The following CEP126 variants were observed in gnomAD, a reference collection of about 807,000 sequenced individuals.
CEP126 encodes centrosomal protein of 126 kDa.
Under a neutral mutation model 107.8 loss-of-function variants are expected in CEP126, and 74 were observed. That is an observed-to-expected ratio of 0.69 (90% CI 0.57 to 0.83). The LOEUF (loss-of-function observed/expected upper bound fraction) is 0.83, where lower values mean the gene tolerates loss of function less well. Ranked by LOEUF, CEP126 falls within the 40% of genes least tolerant of loss-of-function variation. The pLI is 0.00. For missense variants in CEP126, 1,237 were observed against 1,281.9 expected (o/e 0.96, Z 0.53); for synonymous variants, 449 against 446.0 (o/e 1.01, Z -0.08).
intron 2 of CEP126, among the ~76,000 whole-genome samples, chr11:101,933,563 A>C (rs898279366): frequency 6.6e-6 from 1 of 152,192 alleles, no homozygotes; most frequent in Non-Finnish European, 1.5e-5. Flanking sequence ...TAATACATAA[A>C]AAATACTTAG....
At chr11:101,917,661 C>A (rs1402610221) in intron 1 of CEP126, among the ~76,000 whole-genome samples, 1 of 150,100 alleles carries the variant, frequency 6.7e-6, no homozygotes. Flanking sequence ...TTTTTTTCCT[C>A]ATAAATATCT....
intron 10 of CEP126, 61 bp from the exon 11 acceptor site, chr11:101,997,538 G>C: frequency 2.5e-6 from 4 of 1,612,680 alleles, no homozygotes; most frequent in Admixed American, 1.7e-5. Flanking sequence ...TGTCAGCCTA[G>C]TTTGTAGCTG....
In CEP126 at chr11:101,962,878, T is replaced by C. The variant is rs113259549; in HGVS notation, c.1843T>C (p.Leu615=). The change falls in exon 6 of 11, where the codon TTA becomes CTA. Residue 615 remains leucine (L), a synonymous_variant. Transcript: ENST00000263468. ...KAAAIRDSIE[L]TKEKGAEIPK... is the part of the protein sequence containing the mutation. ...AGCAGCTATCAGAGATAGTATTGAA[T>C]TAACAAAGGAAAAAGGTGCAGAAAT... 1 of 1,609,652 alleles carries C rather than the reference T, an allele frequency of 6.2e-7. No individual in the cohort carries two copies.
intron 2 of CEP126, among the ~76,000 whole-genome samples, chr11:101,941,118 T>G (rs1784231529): frequency 1.3e-5 from 2 of 152,190 alleles, no homozygotes; most frequent in Non-Finnish European, 2.9e-5. Flanking sequence ...CTGTGCCTCC[T>G]TCCTCCCAAC....
chr11:101,968,585 C>G (rs1311524773), intron 6 of CEP126, among the ~76,000 whole-genome samples: 4 of 152,022 alleles, frequency 2.6e-5, no homozygotes, highest in African/African-American at 7.2e-5. Context: ...AGTTATAAAG[C>G]CTGAATGAAA....
intron 2 of CEP126, among the ~76,000 whole-genome samples, chr11:101,927,171 G>A (rs539204049): frequency 6.6e-5 from 10 of 152,208 alleles, no homozygotes; most frequent in African/African-American, 2.2e-4. Context: ...GCATTGTGGC[G>A]CATGCCTGTA....
chr11:101,931,840 C>CAA (rs1381877630), intron 2 of CEP126, among the ~76,000 whole-genome samples: 1 of 152,166 alleles, frequency 6.6e-6, no homozygotes, highest in African/African-American at 2.4e-5. Flanking sequence ...GCTCACTTCT[C>CAA]AAGAGCATTT....
rs1941358192 is a variant in CEP126, at chr11:101,989,925, A to G, written c.3245-2853A>G. On this transcript the variant is annotated intron_variant, in intron 9 of 10. Coordinates refer to ENST00000263468, the MANE Select transcript of CEP126 (RefSeq NM_020802.4). ...CAGTGAGCCGAGATCGCGCCACTGC[A>G]CTCCAGCCTGGGCGACAGAGTGAGA... is the stretch of plus-strand genomic sequence containing the variant. Among the ~76,000 whole-genome samples, 3 of 152,116 alleles carry G rather than the reference A, an allele frequency of 2.0e-5. No individual in the cohort carries two copies. The South Asian group carries it at 6.2e-4, about 32-fold the overall frequency.
intron 6 of CEP126, among the ~76,000 whole-genome samples, chr11:101,964,637 T>TAA (rs200494884): frequency 6.2e-5 from 8 of 128,978 alleles, no homozygotes; most frequent in Middle Eastern, 8.3e-3. Context: ...AGACTCTATC[T>TAA]AAAAAAAAAA....
At position 101,963,831 on chromosome 11, in the gene CEP126, CT is replaced by C. The variant is rs1303615930; in HGVS notation, c.2798del (p.Leu933TyrfsTer21). The C allele has an allele frequency of 6.2e-7, 1 of 1,613,880 alleles. No homozygotes were observed. Among genetic ancestry groups the C allele is most frequent in the East Asian group, 2.2e-5 (1 of 44,890 alleles). ...GAACTGCTGAAGAAGAATCAGTTCC[CT>C]TATGGAAAAGAGGTCCTAATGTCCT... ...LRTAEEESVP[L>X]WKRGPNVLHQ... On this transcript the variant is annotated frameshift_variant, in exon 6 of 11. Coordinates refer to ENST00000263468, the MANE Select transcript of CEP126 (RefSeq NM_020802.4). LOFTEE classifies it high-confidence loss of function.
chr11:101,921,748 C>T (rs1293963999), intron 1 of CEP126, among the ~76,000 whole-genome samples: 14 of 574 alleles, frequency 0.024, no homozygotes, highest in Admixed American at 0.079. Flanking sequence ...TGAAGATATA[C>T]AGTCCTCTTT....
intron 8 of CEP126, among the ~76,000 whole-genome samples, chr11:101,982,291 T>A (rs1266728264): frequency 1.3e-5 from 2 of 152,214 alleles, no homozygotes. Context: ...AAATGAATAC[T>A]GGATCAAAAG....
chr11:101,990,540 A>G (rs1941366915), intron 9 of CEP126, among the ~76,000 whole-genome samples: 1 of 152,144 alleles, frequency 6.6e-6, no homozygotes. Context: ...TCTCTTGTAC[A>G]AAACCTGCCA....
chr11:101,915,111 A>C lies in CEP126; in HGVS notation c.-174A>C. 1.1e-6 allele frequency: 1 copy of C among 949,846 alleles called. No homozygotes were observed. The highest frequency in any genetic ancestry group is 1.5e-6 in the Non-Finnish European group (1 of 664,684). 58.8% of individuals were successfully genotyped at this position (949,846 alleles called of 1,614,324 possible). A position where few individuals can be genotyped will look rare whatever the true frequency, so the allele number is the denominator to read the frequency against. On this transcript the variant is annotated 5_prime_UTR_variant, in exon 1 of 11. Coordinates refer to ENST00000263468, the MANE Select transcript of CEP126 (RefSeq NM_020802.4). The stretch of plus-strand genomic sequence containing the variant: ...CTGCCTCAGCTGCCATCGCCGCTAC[A>C]GGCACCAGTGCCGCTGCGCGGGAGC...
chr11:101,949,304 G>A (rs565441595), intron 4 of CEP126, among the ~76,000 whole-genome samples: 1 of 152,268 alleles, frequency 6.6e-6, no homozygotes, highest in Non-Finnish European at 1.5e-5. Flanking sequence ...ATAATTTTAG[G>A]CAAATTAGTG....
chr11:101,982,052 T>A, intron 8 of CEP126, 88 bp downstream of exon 8: 5 of 707,124 alleles, frequency 7.1e-6, no homozygotes, highest in Admixed American at 5.8e-5. Flanking sequence ...TAACGTATTA[T>A]GTAATTGTTA....
At position 101,997,484 on chromosome 11, in the gene CEP126, G is replaced by A. The variant is rs116142347; in HGVS notation, c.3310-115G>A. 2,410 of 1,519,464 alleles carry A rather than the reference G, an allele frequency of 1.6e-3. 35 individuals carry two copies. The African/African-American group carries it at 0.03, about 19-fold the overall frequency. The allele number at this position is 1,519,464 out of a possible 1,614,324, so 94.1% of individuals were successfully genotyped here. ...CTCTGCAATCTTAAACTCATTACCT[G>A]GGAGAATGATGTCAGGATGTGTTGA... On this transcript the variant is annotated intron_variant, in intron 10 of 10. Transcript: ENST00000263468.
At chr11:101,936,948 C>T (rs1196042983) in intron 2 of CEP126, among the ~76,000 whole-genome samples, 2 of 152,066 alleles carry the variant, frequency 1.3e-5, no homozygotes, top group South Asian at 2.1e-4. Context: ...ATTGAGTGCT[C>T]ATTATCTCAA....
chr11:101,930,872 A>G (rs1433928534), intron 2 of CEP126, among the ~76,000 whole-genome samples: 4 of 152,194 alleles, frequency 2.6e-5, no homozygotes, highest in Non-Finnish European at 5.9e-5. Flanking sequence ...GTAGATATGG[A>G]ACTCACAGAT....
Sources: gnomAD v4.1 joint callset for allele counts (sites outside exome capture counted in the v4.1 genomes callset) on GRCh38, gnomAD v4.1.1 for gene constraint, MANE v1.5 for transcripts, NCBI Gene and HGNC (gene_info 2026-07-23, HGNC 2026-07-21) for gene names.